Variants in BDH1 observed in about 807,000 individuals in gnomAD.
BDH1 encodes D-beta-hydroxybutyrate dehydrogenase, mitochondrial.
BDH1 carries 30 observed loss-of-function variants against 33.1 expected under a neutral mutation model. The ratio of observed to expected loss-of-function variants is 0.91; its 90% confidence interval spans 0.68 to 1.23. The LOEUF (loss-of-function observed/expected upper bound fraction) is 1.23, where lower values mean the gene tolerates loss of function less well. Among genes scored for constraint, BDH1 ranks in the 50% most tolerant of loss-of-function variants. BDH1 has a pLI of 0.00. For synonymous variants in BDH1, 190 were observed against 183.6 expected, an observed-to-expected ratio of 1.03 and a Z score of -0.28; for missense variants, 443 against 464.4, an observed-to-expected ratio of 0.95 and a Z score of 0.42.
At position 197,563,775 on chromosome 3, in the gene BDH1, A is replaced by G. The variant is rs113380131; in HGVS notation, c.-44+9406T>C. On this transcript the variant is annotated intron_variant, in intron 1 of 6. Transcript: ENST00000358186. ...TTATTTAAAGGTCATGTTTAAAACA[A>G]TATAAAAGGAACCAGGAAAATAAAA... Among the ~76,000 whole-genome samples, 234 of 152,308 alleles carry G rather than the reference A, an allele frequency of 1.5e-3. 1 individual carries two copies. The highest frequency in any genetic ancestry group is 5.2e-3 in the African/African-American group (217 of 41,568).
At chr3:197,536,932 T>C (rs533076979) in intron 3 of BDH1, among the ~76,000 whole-genome samples, 275 of 152,354 alleles carry the variant, frequency 1.8e-3, no homozygotes, top group Middle Eastern at 3.4e-3. Context: ...TACATCTATT[T>C]CTCTCTTTTT....
intron 2 of BDH1, among the ~76,000 whole-genome samples, chr3:197,552,205 C>T (rs1716635222): frequency 6.6e-6 from 1 of 152,198 alleles, no homozygotes; most frequent in African/African-American, 2.4e-5. Context: ...CCTGCACACT[C>T]CACGGCCCAG....
chr3:197,571,060 G>C (rs1462908794), intron 1 of BDH1, among the ~76,000 whole-genome samples: 12 of 152,246 alleles, frequency 7.9e-5, no homozygotes, highest in Admixed American at 7.8e-4. Flanking sequence ...TGACCTGGAT[G>C]TGAGACATGG....
chr3:197,538,346 T>C (rs1715324993), intron 3 of BDH1: 2 of 454,696 alleles, frequency 4.4e-6, no homozygotes, highest in Non-Finnish European at 8.8e-6. Flanking sequence ...ATTTTGTTTT[T>C]TGTTTTGTTT....
chr3:197,544,246 T>C (rs1715896036), intron 3 of BDH1, among the ~76,000 whole-genome samples: 1 of 152,144 alleles, frequency 6.6e-6, no homozygotes, highest in Non-Finnish European at 1.5e-5. Flanking sequence ...ACATTGACTC[T>C]ACTCTGACAG....
In BDH1 at chr3:197,546,581, G is replaced by A. The variant is rs988388204; in HGVS notation, c.-43-95C>T. On this transcript the variant is annotated intron_variant, in intron 2 of 7. Coordinates refer to ENST00000392379, the MANE Select transcript of BDH1 (RefSeq NM_203314.3). ...CTTTCAGGTTGTGAAAGTCAAACTGGGCTGCATCTGTTCCACCCAGCTCCA... is the reference window on the plus strand; with the variant it reads ...CTTTCAGGTTGTGAAAGTCAAACTGAGCTGCATCTGTTCCACCCAGCTCCA... The A allele has an allele frequency of 1.1e-5, 9 of 788,706 alleles. No homozygotes were observed. In the African/African-American group the frequency reaches 1.4e-4, roughly 12 times the overall value. 48.9% of individuals were successfully genotyped at this position (788,706 alleles called of 1,614,324 possible).
Position 197,525,892 on chromosome 3 carries a change from C to G in BDH1, c.268-3111G>C, listed in dbSNP as rs182289256. ...TGCTCCCTCTGCAGGTCTGTGTGCT[C>G]CCTCTGCTGGTCTCCGTGCTCCCTC... On this transcript the variant is annotated intron_variant, in intron 5 of 7. Coordinates refer to ENST00000392379, the MANE Select transcript of BDH1 (RefSeq NM_203314.3). This position sits in a 1 kb window ranked among gnomAD's most constrained non-coding sequence, Gnocchi z 4.9. 6.6e-6 allele frequency among the ~76,000 whole-genome samples: 1 copy of G among 152,044 alleles called. No individual in the cohort carries two copies. The highest frequency in any genetic ancestry group is 1.9e-4 in the East Asian group (1 of 5,180).
Position 197,554,753 on chromosome 3 carries a change from G to A in BDH1, c.-195-40C>T, listed in dbSNP as rs2108767876. ...AAAAAAACGCGGAGTTCGACGCCGCGCGCAGCACCAAACACTTCCCCAGAA... is the reference window on the plus strand; with the variant it reads ...AAAAAAACGCGGAGTTCGACGCCGCACGCAGCACCAAACACTTCCCCAGAA... On this transcript the variant is annotated intron_variant, in intron 1 of 7. Transcript: ENST00000392379. The surrounding 1 kb of genome is among the most constrained non-coding windows in gnomAD (Gnocchi z 4.4). 1 of 152,006 alleles carries A rather than the reference G, an allele frequency of 6.6e-6. No individual in the cohort carries two copies. The highest frequency in any genetic ancestry group is 2.1e-4 in the South Asian group (1 of 4,824). 9.4% of individuals were successfully genotyped at this position (152,006 alleles called of 1,614,324 possible).
At chr3:197,549,957 A>C (rs1448764104) in intron 2 of BDH1, among the ~76,000 whole-genome samples, 1 of 145,922 alleles carries the variant, frequency 6.9e-6, no homozygotes, top group East Asian at 1.9e-4. Context: ...CTATATATGC[A>C]CTATAATCAA....
rs375898307 is a variant in BDH1, at chr3:197,532,409, T to C, written c.267+3A>G. 431 of 1,612,408 alleles carry C rather than the reference T, an allele frequency of 2.7e-4. No individual in the cohort carries two copies. Among genetic ancestry groups the C allele is most frequent in the Non-Finnish European group, 3.6e-4 (420 of 1,178,532 alleles). Reference sequence around the variant, plus strand: ...ATGGTGAAGAAGATAACTCGTCTCTTACCTTCATCAAGCAGCCAGCAAACA... The same window carrying C: ...ATGGTGAAGAAGATAACTCGTCTCTCACCTTCATCAAGCAGCCAGCAAACA... On this transcript the variant is annotated splice_donor_region_variant and intron_variant, in intron 5 of 7. Transcript: ENST00000392379.
At position 197,522,510 on chromosome 3, in the gene BDH1, A is replaced by T; in HGVS notation, c.409+130T>A. On this transcript the variant is annotated intron_variant, in intron 6 of 7. Transcript: ENST00000392379. This position sits in a 1 kb window ranked among gnomAD's most constrained non-coding sequence, Gnocchi z 4.8. ...TGTAATCCTCTTCCTCCTACTGTGC[A>T]GGAGGAAGAGCCTAAACAATAAGGA... 8.4e-7 allele frequency: 1 copy of T among 1,185,360 alleles called. No individual in the cohort carries two copies. Among genetic ancestry groups the T allele is most frequent in the Non-Finnish European group, 1.2e-6 (1 of 833,314 alleles). The allele number at this position is 1,185,360 out of a possible 1,614,324, so 73.4% of individuals were successfully genotyped here. A position where few individuals can be genotyped will look rare whatever the true frequency, so the allele number is the denominator to read the frequency against.
chr3:197,548,646 T>A (rs2108760953), intron 2 of BDH1, among the ~76,000 whole-genome samples: 1 of 150,924 alleles, frequency 6.6e-6, no homozygotes, highest in East Asian at 2.0e-4. Flanking sequence ...AGGTCATGAG[T>A]TCGAGACCAG....
chr3:197,544,417 C>A (rs970353063), intron 3 of BDH1, among the ~76,000 whole-genome samples: 5 of 152,180 alleles, frequency 3.3e-5, no homozygotes, highest in Admixed American at 6.5e-5. Context: ...AGAACAAAAC[C>A]TTTGTAAAAG....
At chr3:197,534,910 G>A (rs1315409785) in intron 3 of BDH1, among the ~76,000 whole-genome samples, 12 of 152,322 alleles carry the variant, frequency 7.9e-5, no homozygotes, top group Non-Finnish European at 4.4e-5. Flanking sequence ...CATAGACCGG[G>A]TGGCTTACCA....
At chr3:197,544,047 A>G (rs1211428804) in intron 3 of BDH1, among the ~76,000 whole-genome samples, 2 of 152,182 alleles carry the variant, frequency 1.3e-5, no homozygotes, top group African/African-American at 4.8e-5. Flanking sequence ...TAAGGATGCT[A>G]TCAGCAAGAT....
rs1318261958 is a variant in BDH1, at chr3:197,514,429, G to A, written c.410-13C>T. On this transcript the variant is annotated splice_polypyrimidine_tract_variant and intron_variant, in intron 6 of 7. Transcript: ENST00000392379. The surrounding 1 kb of genome is among the most constrained non-coding windows in gnomAD (Gnocchi z 4.2). ...AGGCCCCACATGCCTGGACAGGAGA[G>A]GGATAGATGTGCATTTACCACATGG... 5 of 1,585,556 alleles carry A rather than the reference G, an allele frequency of 3.2e-6. No individual in the cohort carries two copies. The highest frequency in any genetic ancestry group is 4.3e-6 in the Non-Finnish European group (5 of 1,163,432).
chr3:197,533,034 C>T (rs540848020), intron 4 of BDH1, among the ~76,000 whole-genome samples: 14 of 152,300 alleles, frequency 9.2e-5, no homozygotes, highest in African/African-American at 2.4e-4. Flanking sequence ...TGCACCTCCA[C>T]GCCCGGCTAA....
chr3:197,522,105 C>G lies in BDH1; in HGVS notation c.409+535G>C, dbSNP rs907555327. 1.3e-5 allele frequency among the ~76,000 whole-genome samples: 2 copies of G among 152,186 alleles called. No homozygotes were observed. Among genetic ancestry groups the G allele is most frequent in the African/African-American group, 2.4e-5 (1 of 41,444 alleles). ...CCCCCGCTACCCTCCCCGTGCTCCT[C>G]GAAGCTGTGGTTCCTGCTCTCCCCT... On this transcript the variant is annotated intron_variant, in intron 6 of 7. Coordinates refer to ENST00000392379, the MANE Select transcript of BDH1 (RefSeq NM_203314.3). This position sits in a 1 kb window ranked among gnomAD's most constrained non-coding sequence, Gnocchi z 4.8.
At chr3:197,556,172 T>TGGGCGG (rs1184312946), upstream of BDH1, 1 of 152,072 alleles carries the variant, frequency 6.6e-6, no homozygotes, top group Non-Finnish European at 1.5e-5. Context: ...CCCCGACCGC[T>TGGGCGG]GGGCGGGGGC....
Sources: gnomAD v4.1 joint callset for allele counts (sites outside exome capture counted in the v4.1 genomes callset) on GRCh38, gnomAD v4.1.1 for gene constraint, Gnocchi (gnomAD v3.1) non-coding constraint, MANE v1.5 for transcripts, NCBI Gene and HGNC (gene_info 2026-07-23, HGNC 2026-07-21) for gene names.